CCDC148: variants seen among roughly 807,000 people sequenced by gnomAD.
The protein encoded by CCDC148 is coiled-coil domain-containing protein 148.
In CCDC148, 89 loss-of-function variants were observed where a neutral mutation model predicts 85.7. The ratio of observed to expected loss-of-function variants is 1.04; its 90% confidence interval spans 0.87 to 1.24. The LOEUF (loss-of-function observed/expected upper bound fraction) is 1.24, where lower values mean the gene tolerates loss of function less well. Ranked by LOEUF, CCDC148 falls within the 50% of genes most tolerant of loss-of-function variation. The pLI is 0.00. For synonymous variants in CCDC148, 230 were observed against 213.9 expected (o/e 1.08, Z -0.66); for missense variants, 692 against 671.7 (o/e 1.03, Z -0.33).
intron 2 of CCDC148, among the ~76,000 whole-genome samples, chr2:158,355,168 C>T (rs1362889962): frequency 6.6e-6 from 1 of 151,612 alleles, no homozygotes; most frequent in Admixed American, 6.6e-5. Flanking sequence ...AAAACTGGCA[C>T]AAGACAGGGA....
chr2:158,342,016 ATTTTC>A (rs1330646977), intron 3 of CCDC148, among the ~76,000 whole-genome samples: 4,648 of 101,708 alleles, frequency 0.046, 252 homozygotes, highest in African/African-American at 0.1. Flanking sequence ...ACGTGTCATT[ATTTTC>A]TTTTCTTTTT....
chr2:158,298,477 A>G (rs1391538876), intron 9 of CCDC148, among the ~76,000 whole-genome samples: 1 of 152,108 alleles, frequency 6.6e-6, no homozygotes, highest in Non-Finnish European at 1.5e-5. Context: ...TGGAACTTTA[A>G]TTACATATAT....
intron 7 of CCDC148, among the ~76,000 whole-genome samples, chr2:158,338,076 T>C (rs1437490762): frequency 2.0e-5 from 3 of 152,144 alleles, no homozygotes; most frequent in Non-Finnish European, 4.4e-5. Context: ...ATGCTTCATA[T>C]ACACTATAAG....
rs565179508 is a variant in CCDC148, at chr2:158,312,218, C to G, written c.903+1538G>C. Among the ~76,000 whole-genome samples the G allele has an allele frequency of 5.3e-5, 8 of 152,324 alleles. No individual in the cohort carries two copies. The East Asian group carries it at 1.5e-3, about 29-fold the overall frequency. ...TAAACTAAGTATCAGCTACTAAAAT[C>G]TGTTCTGTAAACTTCTCAGCTTTGT... On this transcript the variant is annotated intron_variant, in intron 8 of 13. Transcript: ENST00000283233.
intron 1 of CCDC148, among the ~76,000 whole-genome samples, chr2:158,413,905 T>C (rs931108544): frequency 2.0e-5 from 3 of 152,182 alleles, no homozygotes; most frequent in African/African-American, 7.2e-5. Flanking sequence ...CTAAAATGTT[T>C]ATACCAGAAA....
chr2:158,218,992 G>C (rs1521875), intron 11 of CCDC148, among the ~76,000 whole-genome samples: 99,045 of 152,072 alleles, frequency 0.65, 33,925 homozygotes, highest in East Asian at 0.9. Context: ...TCAGTGATTA[G>C]AGTTTGAGAT....
chr2:158,311,377 A>T (rs1056683482), intron 8 of CCDC148, among the ~76,000 whole-genome samples: 1 of 152,234 alleles, frequency 6.6e-6, no homozygotes, highest in African/African-American at 2.4e-5. Context: ...AGGCTGAGGC[A>T]GGAGAATCAG....
intron 1 of CCDC148, among the ~76,000 whole-genome samples, chr2:158,406,623 T>TCTGTTTTTCTTTTTGTTTTTG (rs372903099): frequency 9.7e-6 from 1 of 102,860 alleles, no homozygotes; most frequent in East Asian, 2.5e-4. Flanking sequence ...CTTTTTTTTT[T>TCTGTTTTTCTTTTTGTTTTTG]TTTTTTTTTT....
At position 158,416,438 on chromosome 2, in the gene CCDC148, C is replaced by T. The variant is rs117690499; in HGVS notation, c.25+39977G>A. ...CATATCCTGTTAGAAGAAGCCAGGC[C>T]ACATCTTGAATGCTTTGCTGCTTAG... On this transcript the variant is annotated intron_variant, in intron 1 of 13. Coordinates refer to ENST00000283233, the MANE Select transcript of CCDC148 (RefSeq NM_138803.4). Among the ~76,000 whole-genome samples the T allele has an allele frequency of 1.5e-3, 227 of 152,296 alleles. 6 individuals carry two copies. The East Asian group carries it at 0.039, about 26-fold the overall frequency.
In CCDC148 at chr2:158,332,366, C is replaced by T. The variant is rs1462996868; in HGVS notation, c.764+6360G>A. ...GTCTTCTGGCTTGGAGAGTTTCTGC[C>T]GAGAGATCAGCTGTTATTCTCATGG... On this transcript the variant is annotated intron_variant, in intron 7 of 13. Coordinates refer to ENST00000283233, the MANE Select transcript of CCDC148 (RefSeq NM_138803.4). Among the ~76,000 whole-genome samples, 5 of 150,076 alleles carry T rather than the reference C, an allele frequency of 3.3e-5. No individual in the cohort carries two copies. The South Asian group carries it at 6.2e-4, about 19-fold the overall frequency.
chr2:158,421,415 G>C (rs1176202167), intron 1 of CCDC148, among the ~76,000 whole-genome samples: 3 of 152,118 alleles, frequency 2.0e-5, no homozygotes, highest in African/African-American at 4.8e-5. Context: ...AATCAAACTA[G>C]AACTCAGGAT....
At chr2:158,232,255 C>T (rs1027123856) in intron 10 of CCDC148, among the ~76,000 whole-genome samples, 1 of 151,972 alleles carries the variant, frequency 6.6e-6, no homozygotes, top group Non-Finnish European at 1.5e-5. Context: ...TAAAGTTAAA[C>T]CAGTAAAAGT....
intron 11 of CCDC148, among the ~76,000 whole-genome samples, chr2:158,199,385 T>C: frequency 6.6e-6 from 1 of 151,994 alleles, no homozygotes. Flanking sequence ...GCTGGGATTA[T>C]AGGCATCCGC....
At position 158,456,544 on chromosome 2, in the gene CCDC148, G is replaced by A; in HGVS notation, c.-105C>T. Reference sequence around the variant, plus strand: ...CAGGGGTACATCTAAGGGCTCAGCTGTTCCTACCTTTGACGCCAGGGACAA... The same window carrying A: ...CAGGGGTACATCTAAGGGCTCAGCTATTCCTACCTTTGACGCCAGGGACAA... On this transcript the variant is annotated 5_prime_UTR_variant, in exon 1 of 14. Transcript: ENST00000283233. 2 of 1,412,836 alleles carry A rather than the reference G, an allele frequency of 1.4e-6. No individual in the cohort carries two copies. The highest frequency in any genetic ancestry group is 2.5e-5 in the Admixed American group (1 of 40,688). The allele number at this position is 1,412,836 out of a possible 1,614,324, so 87.5% of individuals were successfully genotyped here.
chr2:158,268,708 T>C lies in CCDC148; in HGVS notation c.1111-17796A>G, dbSNP rs1689577865. On this transcript the variant is annotated intron_variant, in intron 9 of 13. Transcript: ENST00000283233. ...CTTATTTATCTTATAAATGAAAGTA[T>C]GTACCCTTTGACTATGGTCATCTCC... Among the ~76,000 whole-genome samples the C allele has an allele frequency of 2.6e-5, 4 of 152,274 alleles. No homozygotes were observed. The South Asian group carries it at 6.2e-4, about 24-fold the overall frequency.
At chr2:158,182,212 C>T (rs191857756) in intron 11 of CCDC148, among the ~76,000 whole-genome samples, 7 of 151,886 alleles carry the variant, frequency 4.6e-5, no homozygotes, top group African/African-American at 7.2e-5. Flanking sequence ...ACCAGTAGAA[C>T]GGAATTGAAG....
intron 1 of CCDC148, among the ~76,000 whole-genome samples, chr2:158,363,491 G>T (rs1041853167): frequency 4.6e-4 from 70 of 152,214 alleles, no homozygotes; most frequent in Non-Finnish European, 7.4e-5. Context: ...TCATATCTGG[G>T]ATGCAAGTCT....
intron 10 of CCDC148, among the ~76,000 whole-genome samples, chr2:158,244,979 T>C (rs1376937442): frequency 6.6e-6 from 1 of 152,172 alleles, no homozygotes; most frequent in Non-Finnish European, 1.5e-5. Flanking sequence ...TAGATCAGTA[T>C]ACTATTAGAA....
rs112038751 is a variant in CCDC148, at chr2:158,451,040, A to G, written c.25+5375T>C. ...GATAGTTTCTATTAGTCTGTCTTCA[A>G]GTTCACTGATTTCTTGTTCTGCCAT... On this transcript the variant is annotated intron_variant, in intron 1 of 13. Coordinates refer to ENST00000283233, the MANE Select transcript of CCDC148 (RefSeq NM_138803.4). Among the ~76,000 whole-genome samples the G allele has an allele frequency of 2.4e-3, 369 of 152,182 alleles. 1 individual carries two copies. The highest frequency in any genetic ancestry group is 8.5e-3 in the African/African-American group (354 of 41,516).
Sources: gnomAD v4.1 joint callset for allele counts (sites outside exome capture counted in the v4.1 genomes callset) on GRCh38, gnomAD v4.1.1 for gene constraint, MANE v1.5 for transcripts, NCBI Gene and HGNC (gene_info 2026-07-23, HGNC 2026-07-21) for gene names.